Variants in DAB1 observed in about 807,000 individuals in gnomAD.
DAB1 encodes the protein DAB adaptor protein 1.
A neutral mutation model predicts 64.6 loss-of-function variants in DAB1; 15 were observed. The ratio of observed to expected loss-of-function variants is 0.23; its 90% CI spans 0.16 to 0.36. DAB1 has a LOEUF of 0.36. DAB1 is among the 10% of genes least tolerant of loss of function. The pLI, the probability that DAB1 is intolerant of heterozygous loss-of-function variation, is 1.00. For synonymous variants in DAB1, 235 were observed against 251.9 expected (o/e 0.93, Z 0.64); for missense variants, 596 against 706.7 (o/e 0.84, Z 1.78).
At chr1:57,979,656 G>T (rs1646014135) in intron 5 of DAB1, among the ~76,000 whole-genome samples, 1 of 152,220 alleles carries the variant, frequency 6.6e-6, no homozygotes, top group South Asian at 2.1e-4. Flanking sequence ...GCATATAATG[G>T]AATGGGATTT....
At chr1:57,380,116 T>C (rs978958590) in intron 1 of DAB1, among the ~76,000 whole-genome samples, 1 of 152,172 alleles carries the variant, frequency 6.6e-6, no homozygotes, top group South Asian at 2.1e-4. Context: ...CTACTTGGTG[T>C]CAGGCGCATT....
intron 6 of DAB1, among the ~76,000 whole-genome samples, chr1:57,747,416 T>A (rs909749862): frequency 4.6e-5 from 7 of 152,144 alleles, no homozygotes; most frequent in Non-Finnish European, 1.0e-4. Context: ...GCTACTAATG[T>A]AGTATTTGGA....
chr1:57,088,526 T>C lies in DAB1; in HGVS notation c.307-16112A>G, dbSNP rs1570669000. ...GATTGGGCCCATCTCCCAGACTCTT[T>C]GGAGGGTAGGAGCCTAAGTTTGATA... On this transcript the variant is annotated intron_variant, in intron 4 of 14. Transcript: ENST00000371236. Among the ~76,000 whole-genome samples, 3 of 152,330 alleles carry C rather than the reference T, an allele frequency of 2.0e-5. No homozygotes were observed. The East Asian group carries it at 5.8e-4, about 29-fold the overall frequency.
intron 1 of DAB1, chr1:57,874,880 G>C (rs998265075): frequency 1.3e-5 from 2 of 152,158 alleles, no homozygotes; most frequent in African/African-American, 4.8e-5. Context: ...ATTTCACAAC[G>C]TGGTCCCAAC....
intron 6 of DAB1, among the ~76,000 whole-genome samples, chr1:57,735,609 GTTTTTTTTT>G (rs59456674): frequency 5.3e-5 from 5 of 95,210 alleles, no homozygotes; most frequent in African/African-American, 2.1e-4. Context: ...CTGTTTGCTT[GTTTTTTTTT>G]TTTTTTTTTT....
intron 5 of DAB1, among the ~76,000 whole-genome samples, chr1:58,069,146 T>C (rs1649065667): frequency 6.6e-6 from 1 of 152,238 alleles, no homozygotes; most frequent in South Asian, 2.1e-4. Flanking sequence ...TCATTCCATG[T>C]AGACTTCAAA....
intron 3 of DAB1, among the ~76,000 whole-genome samples, chr1:58,401,191 A>G (rs1644565693): frequency 6.6e-6 from 1 of 152,210 alleles, no homozygotes; most frequent in Non-Finnish European, 1.5e-5. Context: ...TCCAAGGAAA[A>G]GTCAAAGTCC....
At position 58,243,072 on chromosome 1, in the gene DAB1, T is replaced by G. The variant is rs142791188; in HGVS notation, n.310-92484A>C. 8.3e-3 allele frequency among the ~76,000 whole-genome samples: 1,266 copies of G among 152,234 alleles called. 16 individuals are homozygous for G. The highest frequency in any genetic ancestry group is 0.029 in the African/African-American group (1,203 of 41,544). On this transcript the variant is annotated intron_variant and non_coding_transcript_variant, in intron 4 of 20. Transcript: ENST00000485760. ...CTACAAATTGACAAATATTTTGAGT[T>G]CTTAGTACTTTGTCCATGGTGACAC...
chr1:57,695,558 G>T lies in DAB1; in HGVS notation n.552-45893C>A, dbSNP rs1037405069. On this transcript the variant is annotated intron_variant and non_coding_transcript_variant, in intron 6 of 20. Coordinates refer to the DAB1 transcript ENST00000485760. ...GACTTTCCAATCAGGAAAATTGCCT[G>T]TTGGAATGTGTTGCCTTGGGAGGTT... 7.9e-5 allele frequency among the ~76,000 whole-genome samples: 12 copies of T among 152,178 alleles called. No homozygotes were observed. In the South Asian group the frequency reaches 8.3e-4, roughly 11 times the overall value.
chr1:57,648,373 A>G (rs1646218535), intron 7 of DAB1, among the ~76,000 whole-genome samples: 1 of 152,162 alleles, frequency 6.6e-6, no homozygotes, highest in Non-Finnish European at 1.5e-5. Flanking sequence ...GGTGCAAATC[A>G]GCTTAACATG....
intron 2 of DAB1, among the ~76,000 whole-genome samples, chr1:57,252,720 G>A (rs1366759881): frequency 6.6e-6 from 1 of 152,128 alleles, no homozygotes; most frequent in African/African-American, 2.4e-5. Context: ...CAGGAAAACG[G>A]GGGCATGTAT....
chr1:58,472,363 C>T (rs1645368636), intron 3 of DAB1, among the ~76,000 whole-genome samples: 1 of 152,146 alleles, frequency 6.6e-6, no homozygotes, highest in South Asian at 2.1e-4. Context: ...TGTGGCCTCC[C>T]CTTGTCCTTG....
intron 4 of DAB1, among the ~76,000 whole-genome samples, chr1:58,267,125 C>G (rs1661188295): frequency 6.6e-6 from 1 of 152,114 alleles, no homozygotes; most frequent in African/African-American, 2.4e-5. Context: ...GAGGGTAGGA[C>G]AGGAGAATTG....
chr1:58,030,309 A>C (rs2100477924), intron 5 of DAB1, among the ~76,000 whole-genome samples: 1 of 152,356 alleles, frequency 6.6e-6, no homozygotes, highest in East Asian at 1.9e-4. Context: ...AATATTAACA[A>C]TGATTGATTT....
intron 2 of DAB1, among the ~76,000 whole-genome samples, chr1:58,515,454 T>TC (rs1646144797): frequency 6.6e-6 from 1 of 152,148 alleles, no homozygotes; most frequent in Non-Finnish European, 1.5e-5. Flanking sequence ...GTTACTTTTT[T>TC]CCCTCTATCT....
chr1:57,215,995 G>A (rs1666397376), intron 2 of DAB1, among the ~76,000 whole-genome samples: 2 of 152,188 alleles, frequency 1.3e-5, no homozygotes, highest in African/African-American at 2.4e-5. Context: ...AGATGAATCA[G>A]ACCAAAGCAG....
At chr1:58,199,771 C>T (rs1657896996) in intron 4 of DAB1, among the ~76,000 whole-genome samples, 1 of 152,174 alleles carries the variant, frequency 6.6e-6, no homozygotes, top group African/African-American at 2.4e-5. Flanking sequence ...AACACACAAC[C>T]TTGAATTTTC....
intron 5 of DAB1, among the ~76,000 whole-genome samples, chr1:58,053,757 T>C (rs1647865489): frequency 6.6e-6 from 1 of 152,230 alleles, no homozygotes; most frequent in African/African-American, 2.4e-5. Context: ...CTTCTTCCCT[T>C]TCCTAGTTAT....
intron 1 of DAB1, among the ~76,000 whole-genome samples, chr1:57,395,748 G>T (rs1300032417): frequency 1.2e-5 from 1 of 83,050 alleles, no homozygotes; most frequent in Non-Finnish European, 2.6e-5. Flanking sequence ...CCATATTAGG[G>T]AATACAGACC....
Sources: gnomAD v4.1 joint callset for allele counts (sites outside exome capture counted in the v4.1 genomes callset) on GRCh38, gnomAD v4.1.1 for gene constraint, MANE v1.5 for transcripts, NCBI Gene and HGNC (gene_info 2026-07-23, HGNC 2026-07-21) for gene names.